Variants in PRKCB observed in about 807,000 individuals in gnomAD.
PRKCB encodes the protein protein kinase C beta.
A neutral mutation model predicts 81.5 loss-of-function variants in PRKCB; 13 were observed. The observed-to-expected ratio is 0.16, with a 90% CI of 0.10 to 0.25. The LOEUF (loss-of-function observed/expected upper bound fraction) is 0.25, where lower values mean the gene tolerates loss of function less well. PRKCB is among the 10% of genes least tolerant of loss of function. The pLI is 1.00. For missense variants in PRKCB, 509 were observed against 875.7 expected, an observed-to-expected ratio of 0.58 and a Z score of 5.29; for synonymous variants, 335 against 321.4, an observed-to-expected ratio of 1.04 and a Z score of -0.45.
intron 5 of PRKCB, among the ~76,000 whole-genome samples, chr16:24,082,259 C>T (rs1472600697): frequency 2.0e-5 from 3 of 152,164 alleles, no homozygotes; most frequent in South Asian, 4.1e-4. Context: ...GATTGAAAGA[C>T]TCAGCAGAGT....
Position 24,219,078 on chromosome 16 carries a change from G to A in PRKCB, c.*4262G>A. Reference sequence around the variant, plus strand: ...AAGAGGCTTGCAAGGACCCTGAAGAGGTCGGAGCATCATACAGATTCCTTT... The same window carrying A: ...AAGAGGCTTGCAAGGACCCTGAAGAAGTCGGAGCATCATACAGATTCCTTT... On this transcript the variant is annotated 3_prime_UTR_variant, in exon 17 of 17. Coordinates refer to ENST00000643927, the MANE Select transcript of PRKCB (RefSeq NM_002738.7). 1.0e-6 allele frequency: 1 copy of A among 985,386 alleles called. No individual in the cohort carries two copies. The highest frequency in any genetic ancestry group is 1.2e-6 in the Non-Finnish European group (1 of 829,970). The allele number at this position is 985,386 out of a possible 1,614,324, so 61.0% of individuals were successfully genotyped here.
intron 3 of PRKCB, among the ~76,000 whole-genome samples, chr16:24,014,274 G>A (rs1466239566): frequency 6.6e-6 from 1 of 152,178 alleles, no homozygotes; most frequent in Admixed American, 6.5e-5. Context: ...AGGGGGAGAG[G>A]GGTGGGGAGG....
At chr16:23,976,869 C>T (rs950241272) in intron 2 of PRKCB, among the ~76,000 whole-genome samples, 4 of 152,186 alleles carry the variant, frequency 2.6e-5, no homozygotes, top group Non-Finnish European at 4.4e-5. Flanking sequence ...AGGGTTGTTA[C>T]TGCAGAGGGA....
At chr16:23,987,452 T>C (rs939933363) in intron 2 of PRKCB, among the ~76,000 whole-genome samples, 2 of 152,106 alleles carry the variant, frequency 1.3e-5, no homozygotes, top group Admixed American at 1.3e-4. Flanking sequence ...TTTAATATGT[T>C]CCTCTGTCAC....
intron 5 of PRKCB, among the ~76,000 whole-genome samples, chr16:24,043,423 T>A (rs576007108): frequency 1.3e-5 from 2 of 152,204 alleles, no homozygotes; most frequent in Admixed American, 6.5e-5. Context: ...TTTTGCTTTT[T>A]TTTTAGTATT....
At chr16:23,995,613 T>C (rs1964945773) in intron 3 of PRKCB, among the ~76,000 whole-genome samples, 1 of 152,144 alleles carries the variant, frequency 6.6e-6, no homozygotes, top group Non-Finnish European at 1.5e-5. Flanking sequence ...GGGTCTTATC[T>C]AAACCACCGA....
At chr16:23,965,282 G>A (rs1416709795) in intron 2 of PRKCB, among the ~76,000 whole-genome samples, 1 of 152,242 alleles carries the variant, frequency 6.6e-6, no homozygotes, top group African/African-American at 2.4e-5. Context: ...ACTTAGGATA[G>A]TGGCCTCCAG....
chr16:23,865,499 A>ATC, intron 2 of PRKCB, among the ~76,000 whole-genome samples: 1 of 13,268 alleles, frequency 7.5e-5, no homozygotes, highest in African/African-American at 4.1e-4. Context: ...ATATATATAT[A>ATC]TATATATATA....
intron 2 of PRKCB, among the ~76,000 whole-genome samples, chr16:23,897,658 T>C (rs562888519): frequency 2.6e-5 from 4 of 152,212 alleles, no homozygotes; most frequent in African/African-American, 9.7e-5. Context: ...GTTCTGGTAC[T>C]GGATCCTGTG....
chr16:23,854,469 G>A (rs1303929888), intron 2 of PRKCB, among the ~76,000 whole-genome samples: 1 of 152,114 alleles, frequency 6.6e-6, no homozygotes, highest in Non-Finnish European at 1.5e-5. Context: ...GTTCTTGGCT[G>A]GGCTCATTTA....
intron 8 of PRKCB, among the ~76,000 whole-genome samples, chr16:24,122,513 G>A (rs1247143237): frequency 6.7e-6 from 1 of 149,058 alleles, no homozygotes; most frequent in South Asian, 2.1e-4. Context: ...AGGCTGGTGG[G>A]CAGTGGTGTG....
intron 5 of PRKCB, 92 bp from the exon 6 acceptor site, chr16:24,092,699 C>T: frequency 7.8e-7 from 1 of 1,284,622 alleles, no homozygotes; most frequent in South Asian, 1.4e-5. Flanking sequence ...AGTGTGATGC[C>T]AAAGAACCTT....
intron 2 of PRKCB, among the ~76,000 whole-genome samples, chr16:23,952,991 T>C (rs368783011): frequency 1.4e-4 from 22 of 152,276 alleles, no homozygotes; most frequent in South Asian, 1.2e-3. Context: ...CAACCTGTAC[T>C]GAGAGGGGCA....
intron 2 of PRKCB, among the ~76,000 whole-genome samples, chr16:23,858,562 G>T (rs574032155): frequency 6.6e-6 from 1 of 152,208 alleles, no homozygotes; most frequent in East Asian, 1.9e-4. Context: ...TTTCCCAGTG[G>T]GGGAGTTTGC....
In PRKCB at chr16:23,841,441, T is replaced by A. The variant is rs187548364; in HGVS notation, c.205+4035T>A. Reference sequence around the variant, plus strand: ...ATTTGAGCTTTAATTTTAATTAAAGTCTTCTCTAAGAAGATTTTTGGTAGA... The same window carrying A: ...ATTTGAGCTTTAATTTTAATTAAAGACTTCTCTAAGAAGATTTTTGGTAGA... On this transcript the variant is annotated intron_variant, in intron 2 of 16. Transcript: ENST00000643927. Among the ~76,000 whole-genome samples the A allele has an allele frequency of 4.8e-5, 6 of 124,688 alleles. No individual in the cohort carries two copies. The East Asian group carries it at 1.2e-3, about 24-fold the overall frequency. The allele number at this position is 124,688 out of a possible 152,430, so 81.8% of individuals were successfully genotyped here.
At chr16:24,141,221 G>T (rs940872276) in intron 9 of PRKCB, among the ~76,000 whole-genome samples, 1 of 152,112 alleles carries the variant, frequency 6.6e-6, no homozygotes, top group Non-Finnish European at 1.5e-5. Context: ...TTGAGACAGA[G>T]TCTCCCTCTG....
At chr16:24,116,665 A>G (rs534669155) in intron 8 of PRKCB, among the ~76,000 whole-genome samples, 1 of 152,322 alleles carries the variant, frequency 6.6e-6, no homozygotes, top group South Asian at 2.1e-4. Context: ...CTCCAAGTAG[A>G]ACTAAAAACT....
At chr16:24,111,795 C>A (rs1966679530) in intron 7 of PRKCB, among the ~76,000 whole-genome samples, 1 of 152,066 alleles carries the variant, frequency 6.6e-6, no homozygotes, top group African/African-American at 2.4e-5. Context: ...AAGGCCCTGT[C>A]TCTAAAATAA....
chr16:24,054,894 A>G (rs1359944562), intron 5 of PRKCB, among the ~76,000 whole-genome samples: 1 of 152,200 alleles, frequency 6.6e-6, no homozygotes, highest in Non-Finnish European at 1.5e-5. Context: ...TGTGGTCTGC[A>G]TCTGTCTGCA....
Sources: allele counts gnomAD v4.1 joint callset (sites outside exome capture counted in the v4.1 genomes callset), GRCh38; gene constraint gnomAD v4.1.1; transcripts MANE v1.5; gene names NCBI Gene and HGNC (gene_info 2026-07-23, HGNC 2026-07-21).